ANOS1: variants seen among roughly 807,000 people sequenced by gnomAD.
ANOS1 encodes the protein anosmin 1.
In ANOS1, 6 loss-of-function variants were observed where a neutral mutation model predicts 59.0. The ratio of observed to expected loss-of-function variants is 0.10; its 90% CI spans 0.06 to 0.20. The LOEUF (loss-of-function observed/expected upper bound fraction) is 0.20. Among genes scored for constraint, ANOS1 ranks in the 10% least tolerant of loss-of-function variants. ANOS1 has a pLI of 1.00. For missense variants in ANOS1, 433 were observed against 542.3 expected (o/e 0.80, Z 2.00); for synonymous variants, 217 against 223.4 (o/e 0.97, Z 0.25).
intron 13 of ANOS1, among the ~76,000 whole-genome samples, chrX:8,533,805 A>G (rs1052017614): frequency 9.0e-6 from 1 of 111,460 alleles, no homozygotes; most frequent in Non-Finnish European, 1.9e-5. Context: ...TAAGTTCCTT[A>G]GCAAAATATT....
intron 10 of ANOS1, among the ~76,000 whole-genome samples, chrX:8,537,740 T>C (rs1310676985): frequency 9.6e-6 from 1 of 104,117 alleles, no homozygotes; most frequent in Non-Finnish European, 1.9e-5. Flanking sequence ...TGAGACTCCA[T>C]GGTTTTTACG....
chrX:8,563,983 A>T (rs187155395), intron 8 of ANOS1, among the ~76,000 whole-genome samples: 1 of 111,563 alleles, frequency 9.0e-6, no homozygotes, highest in East Asian at 2.8e-4. Context: ...GACAGGCTAC[A>T]GACATCTGGT....
chrX:8,593,406 C>T (rs1018304916), intron 4 of ANOS1, among the ~76,000 whole-genome samples: 3 of 111,778 alleles, frequency 2.7e-5, no homozygotes, highest in Non-Finnish European at 3.8e-5. Context: ...AATGTTATTT[C>T]GGATTTCCAA....
rs752365283 is a variant in ANOS1 at position 8,530,060 on chromosome X, T to C, written c.*2935A>G. Reference sequence around the variant, plus strand: ...AAAAAATTACCTGCCATAAACCTTATCTTCTCTACCATGTCATATTAAAAC... The same window carrying C: ...AAAAAATTACCTGCCATAAACCTTACCTTCTCTACCATGTCATATTAAAAC... On this transcript the variant is annotated 3_prime_UTR_variant, in exon 14 of 14. Transcript: ENST00000262648. 2.7e-5 allele frequency: 3 copies of C among 112,427 alleles called. No individual in the cohort carries two copies. Among genetic ancestry groups the C allele is most frequent in the East Asian group, 5.6e-4 (2 of 3,586 alleles). The allele number at this position is 112,427 out of a possible 1,213,427, so 9.3% of individuals were successfully genotyped here. A position where few individuals can be genotyped will look rare whatever the true frequency, so the allele number is the denominator to read the frequency against.
At chrX:8,590,340 G>T (rs1180682554) in intron 4 of ANOS1, among the ~76,000 whole-genome samples, 1 of 108,925 alleles carries the variant, frequency 9.2e-6, no homozygotes, top group Non-Finnish European at 1.9e-5. Flanking sequence ...CCTGTTTATG[G>T]TTTTTTTGTT....
chrX:8,664,576 C>T (rs749023312), intron 2 of ANOS1, among the ~76,000 whole-genome samples: 3 of 110,494 alleles, frequency 2.7e-5, no homozygotes, highest in Non-Finnish European at 5.7e-5. Context: ...TAAATGTATG[C>T]GTGCATGCAC....
At chrX:8,566,173 T>C (rs1930109412) in intron 8 of ANOS1, 7 of 753,938 alleles carry the variant, frequency 9.3e-6, no homozygotes, top group Non-Finnish European at 1.1e-5. Context: ...CCCAACTCCA[T>C]GTTGGTCATT....
Position 8,570,402 on chromosome X carries a change from C to A in ANOS1, c.1062+97G>T, listed in dbSNP as rs2302353. 74,249 of 692,324 alleles carry A rather than the reference C, an allele frequency of 0.11. 4,453 individuals carry two copies. The highest frequency in any genetic ancestry group is 0.32 in the Admixed American group (12,549 of 38,738). The allele number at this position is 692,324 out of a possible 1,213,427, so 57.1% of individuals were successfully genotyped here. A position where few individuals can be genotyped will look rare whatever the true frequency, so the allele number is the denominator to read the frequency against. Reference sequence around the variant, plus strand: ...GAGGGAAGCTTTCCTGCATCCATGGCATCTCTCAGTTTAGCAGAGGCCTCT... The same window carrying A: ...GAGGGAAGCTTTCCTGCATCCATGGAATCTCTCAGTTTAGCAGAGGCCTCT... On this transcript the variant is annotated intron_variant, in intron 7 of 13. Transcript: ENST00000262648.
intron 2 of ANOS1, among the ~76,000 whole-genome samples, chrX:8,662,172 A>G (rs1208970781): frequency 9.0e-6 from 1 of 111,417 alleles, no homozygotes; most frequent in Non-Finnish European, 1.9e-5. Context: ...TTAATGCAGG[A>G]CCCACAATTT....
At chrX:8,694,662 C>T (rs894445121) in intron 2 of ANOS1, among the ~76,000 whole-genome samples, 2 of 111,910 alleles carry the variant, frequency 1.8e-5, no homozygotes, top group Non-Finnish European at 3.8e-5. Flanking sequence ...GAGCGAAATT[C>T]CATCTCAAAT....
At chrX:8,587,232 T>A (rs999690765) in intron 5 of ANOS1, among the ~76,000 whole-genome samples, 3 of 111,259 alleles carry the variant, frequency 2.7e-5, no homozygotes, top group Non-Finnish European at 5.7e-5. Flanking sequence ...GAGGAAGCAC[T>A]CTCTGGGAGT....
chrX:8,659,390 G>A (rs190999907), intron 2 of ANOS1, among the ~76,000 whole-genome samples: 139 of 110,127 alleles, frequency 1.3e-3, no homozygotes, highest in Middle Eastern at 4.7e-3. Context: ...CAGCCTGAGC[G>A]ACAGAGTGAG....
At chrX:8,584,184 G>A (rs1930470569) in intron 6 of ANOS1, among the ~76,000 whole-genome samples, 1 of 111,928 alleles carries the variant, frequency 8.9e-6, no homozygotes, top group African/African-American at 3.2e-5. Context: ...GAACATCTCT[G>A]GATCGCATTT....
rs73465328 is a variant in ANOS1, at chrX:8,643,218, T to C, written c.256-19548A>G. On this transcript the variant is annotated intron_variant, in intron 2 of 13. Coordinates refer to ENST00000262648, the MANE Select transcript of ANOS1 (RefSeq NM_000216.4). The stretch of plus-strand genomic sequence containing the variant: ...TAATAATGCATATAGAAGGTCTTTA[T>C]TGAATAAAATAGAAGTGTTTGCAAC... Among the ~76,000 whole-genome samples the C allele has an allele frequency of 6.1e-3, 686 of 112,101 alleles. 6 individuals carry two copies. The highest frequency in any genetic ancestry group is 0.021 in the African/African-American group (654 of 30,893).
chrX:8,545,164 G>A (rs1929749812), intron 9 of ANOS1, among the ~76,000 whole-genome samples: 2 of 104,637 alleles, frequency 1.9e-5, no homozygotes, highest in African/African-American at 7.0e-5. Context: ...GAGGCAGGAG[G>A]ATTGCTTGAG....
At chrX:8,640,158 C>A (rs1931636085) in intron 2 of ANOS1, among the ~76,000 whole-genome samples, 1 of 111,081 alleles carries the variant, frequency 9.0e-6, no homozygotes, top group African/African-American at 3.3e-5. Context: ...AGGCATGGGG[C>A]TTTCACTCCA....
chrX:8,610,219 T>C (rs180782706), intron 3 of ANOS1, among the ~76,000 whole-genome samples: 3 of 110,575 alleles, frequency 2.7e-5, no homozygotes, highest in African/African-American at 6.6e-5. Context: ...TTATATGTTT[T>C]ATTTTTGGCT....
intron 1 of ANOS1, among the ~76,000 whole-genome samples, chrX:8,700,450 A>T (rs1321716744): frequency 9.0e-6 from 1 of 111,474 alleles, no homozygotes; most frequent in Non-Finnish European, 1.9e-5. Context: ...GCCAGGAGGA[A>T]ATCCACCTCT....
At chrX:8,651,119 AC>A (rs1399134489) in intron 2 of ANOS1, among the ~76,000 whole-genome samples, 3 of 111,973 alleles carry the variant, frequency 2.7e-5, no homozygotes, top group African/African-American at 9.7e-5. Flanking sequence ...ATCCCCTAAT[AC>A]CCTGGGAACT....
Sources: allele counts gnomAD v4.1 joint callset (sites outside exome capture counted in the v4.1 genomes callset), GRCh38; gene constraint gnomAD v4.1.1; transcripts MANE v1.5; gene names NCBI Gene and HGNC (gene_info 2026-07-23, HGNC 2026-07-21).